CSMD3: variants seen among roughly 807,000 people sequenced by gnomAD.
CSMD3 encodes the protein CUB and Sushi multiple domains 3, also known as CUB and sushi domain-containing protein 3.
A neutral mutation model predicts 435.2 loss-of-function variants in CSMD3; 177 were observed. That is an observed-to-expected ratio of 0.41 (90% CI 0.36 to 0.46). The LOEUF is 0.46. Among genes scored for constraint, CSMD3 ranks in the 20% least tolerant of loss-of-function variants. CSMD3 has a pLI of 0.34. For synonymous variants in CSMD3, 1,656 were observed against 1,520.5 expected, an observed-to-expected ratio of 1.09 and a Z score of -2.07; for missense variants, 4,265 against 4,504.6, an observed-to-expected ratio of 0.95 and a Z score of 1.52.
Position 112,506,555 on chromosome 8 carries a change from C to T in CSMD3, c.4895+136G>A, listed in dbSNP as rs1172405778. 7 of 804,164 alleles carry T rather than the reference C, an allele frequency of 8.7e-6. No individual in the cohort carries two copies. The African/African-American group carries it at 1.2e-4, about 14-fold the overall frequency. The allele number at this position is 804,164 out of a possible 1,614,324, so 49.8% of individuals were successfully genotyped here. A position where few individuals can be genotyped will look rare whatever the true frequency, so the allele number is the denominator to read the frequency against. ...AATGACAGTGGCAAAGCTAGAACAA[C>T]TATTAGCACTGGGATAAGTAAAAAA... On this transcript the variant is annotated intron_variant, in intron 29 of 70. Transcript: ENST00000297405.
intron 3 of CSMD3, among the ~76,000 whole-genome samples, chr8:113,177,622 G>A (rs2092365670): frequency 6.6e-6 from 1 of 151,970 alleles, no homozygotes; most frequent in African/African-American, 2.4e-5. Flanking sequence ...TGAGCACTTA[G>A]AGCGGGCAGG....
chr8:113,329,154 A>G (rs2094007713), intron 1 of CSMD3, among the ~76,000 whole-genome samples: 1 of 151,758 alleles, frequency 6.6e-6, no homozygotes, highest in South Asian at 2.1e-4. Flanking sequence ...GAAATTGGAC[A>G]TATATGACAA....
At chr8:112,690,997 T>C (rs778057498) in intron 13 of CSMD3, among the ~76,000 whole-genome samples, 12 of 152,164 alleles carry the variant, frequency 7.9e-5, no homozygotes, top group Non-Finnish European at 1.5e-5. Flanking sequence ...TTAATGTGTA[T>C]CTTTCCAGTT....
intron 35 of CSMD3, among the ~76,000 whole-genome samples, chr8:112,405,213 CCATATAT>C (rs376384559): frequency 0.11 from 1,998 of 17,888 alleles, 207 homozygotes; most frequent in Middle Eastern, 0.25. Context: ...AAAAAAACCC[CCATATAT>C]ATATATATAT....
intron 1 of CSMD3, among the ~76,000 whole-genome samples, chr8:113,364,062 T>C (rs948268531): frequency 6.6e-5 from 10 of 152,146 alleles, no homozygotes; most frequent in Admixed American, 5.9e-4. Context: ...AAGGTCTATG[T>C]CTAAATTTAT....
intron 3 of CSMD3, among the ~76,000 whole-genome samples, chr8:113,248,467 T>TATATATAC (rs1563602328): frequency 7.6e-6 from 1 of 131,310 alleles, no homozygotes; most frequent in Non-Finnish European, 1.6e-5. Context: ...TGTGTGTGTG[T>TATATATAC]GATATATATG....
chr8:113,422,705 C>T (rs1290965110), intron 1 of CSMD3, among the ~76,000 whole-genome samples: 1 of 152,038 alleles, frequency 6.6e-6, no homozygotes, highest in Non-Finnish European at 1.5e-5. Context: ...AACAACAAAA[C>T]CACTGGAAAA....
At chr8:112,946,018 T>C (rs2083600135) in intron 9 of CSMD3, among the ~76,000 whole-genome samples, 1 of 151,814 alleles carries the variant, frequency 6.6e-6, no homozygotes, top group African/African-American at 2.4e-5. Context: ...TTTTCTACAT[T>C]TGTGATTACA....
intron 32 of CSMD3, among the ~76,000 whole-genome samples, chr8:112,433,853 GT>G (rs5894083): frequency 2.6e-5 from 4 of 151,198 alleles, no homozygotes; most frequent in South Asian, 4.2e-4. Flanking sequence ...TTAGTGCTAA[GT>G]TTTTTTTTGT....
intron 8 of CSMD3, among the ~76,000 whole-genome samples, chr8:112,952,723 A>C (rs890580015): frequency 6.6e-6 from 1 of 151,590 alleles, no homozygotes; most frequent in Non-Finnish European, 1.5e-5. Flanking sequence ...TGAAAAACCA[A>C]GAGTATTTAA....
intron 68 of CSMD3, among the ~76,000 whole-genome samples, chr8:112,233,612 G>A (rs1813294910): frequency 6.6e-6 from 1 of 151,818 alleles, no homozygotes; most frequent in African/African-American, 2.4e-5. Context: ...GAAACTTATC[G>A]AAGGCTACTA....
At chr8:112,511,791 C>G (rs1333888986) in intron 28 of CSMD3, among the ~76,000 whole-genome samples, 1 of 152,152 alleles carries the variant, frequency 6.6e-6, no homozygotes, top group African/African-American at 2.4e-5. Flanking sequence ...AGTAGAACTT[C>G]TTGGAGACAC....
intron 41 of CSMD3, 59 bp downstream of exon 41, chr8:112,346,038 A>C: frequency 1.0e-6 from 1 of 966,088 alleles, no homozygotes; most frequent in South Asian, 1.3e-5. Flanking sequence ...ATTGAAATTT[A>C]TTTTAAGGCT....
At chr8:112,982,201 T>C (rs1450262593) in intron 6 of CSMD3, among the ~76,000 whole-genome samples, 2 of 151,866 alleles carry the variant, frequency 1.3e-5, no homozygotes, top group Admixed American at 1.3e-4. Context: ...TAAATTTAGA[T>C]ATGCAAATCC....
At chr8:112,383,729 C>T (rs1829685366) in intron 36 of CSMD3, 66 bp from the exon 37 acceptor site, 2 of 968,168 alleles carry the variant, frequency 2.1e-6, no homozygotes, top group East Asian at 4.8e-5. Flanking sequence ...TATAGTCCAC[C>T]AATCCCCCTT....
At position 112,587,229 on chromosome 8, in the gene CSMD3, C is replaced by T. The variant is rs2131354422; in HGVS notation, c.3722G>A (p.Cys1241Tyr). 6.2e-7 allele frequency: 1 copy of T among 1,605,680 alleles called. No individual in the cohort carries two copies. Among genetic ancestry groups the T allele is most frequent in the Non-Finnish European group, 8.5e-7 (1 of 1,173,426 alleles). The stretch of plus-strand genomic sequence containing the variant: ...TTCATTATTCGTTGCAGATGCACCA[C>T]ATTCAGCTGCAGGTAAAACAGAATA... ...SAPLPRCVAE[C>Y]GASATNNEGI... Residue 1241 changes from cysteine (C) to tyrosine (Y), a missense_variant, in exon 23 of 71, where the codon TGT (cysteine) becomes TAT (tyrosine). Physicochemically the swap from Cys to Tyr is radical, Grantham distance 194. Transcript: ENST00000297405.
chr8:112,973,472 G>A (rs1308742733), intron 7 of CSMD3, among the ~76,000 whole-genome samples: 1 of 151,832 alleles, frequency 6.6e-6, no homozygotes, highest in East Asian at 1.9e-4. Context: ...TGTCCTGCAG[G>A]AAGGGGACAT....
At chr8:112,935,143 A>G (rs1258377004) in intron 9 of CSMD3, among the ~76,000 whole-genome samples, 1 of 152,078 alleles carries the variant, frequency 6.6e-6, no homozygotes, top group African/African-American at 2.4e-5. Flanking sequence ...GACACCATTT[A>G]TTGAAGAAAG....
chr8:112,925,526 G>A (rs145510968), intron 9 of CSMD3, among the ~76,000 whole-genome samples: 179 of 151,638 alleles, frequency 1.2e-3, no homozygotes, highest in African/African-American at 3.7e-3. Flanking sequence ...TCGCGCTACT[G>A]CACTCGACAG....
Sources: allele counts gnomAD v4.1 joint callset (sites outside exome capture counted in the v4.1 genomes callset), GRCh38; gene constraint gnomAD v4.1.1; transcripts MANE v1.5; gene names NCBI Gene and HGNC (gene_info 2026-07-23, HGNC 2026-07-21).